Variants in DLG2 observed in about 807,000 individuals in gnomAD.
The protein encoded by DLG2 is disks large homolog 2.
In DLG2, 45 loss-of-function variants were observed where a neutral mutation model predicts 132.5. The observed-to-expected ratio is 0.34, with a 90% CI of 0.27 to 0.44. The LOEUF (loss-of-function observed/expected upper bound fraction) is 0.44, where lower values mean the gene tolerates loss of function less well. Among genes scored for constraint, DLG2 ranks in the 20% least tolerant of loss-of-function variants. The pLI, the probability that DLG2 is intolerant of heterozygous loss-of-function variation, is 1.00. For synonymous variants in DLG2, 424 were observed against 419.6 expected (o/e 1.01, Z -0.13); for missense variants, 1,045 against 1,196.9 (o/e 0.87, Z 1.87).
At chr11:84,536,737 C>T (rs1306220460) in intron 6 of DLG2, among the ~76,000 whole-genome samples, 1 of 152,204 alleles carries the variant, frequency 6.6e-6, no homozygotes, top group Admixed American at 6.5e-5. Flanking sequence ...CAGACTCCAT[C>T]CTGTCTTTTG....
At chr11:84,663,403 T>C (rs2099696795) in intron 6 of DLG2, among the ~76,000 whole-genome samples, 1 of 152,062 alleles carries the variant, frequency 6.6e-6, no homozygotes, top group Non-Finnish European at 1.5e-5. Context: ...CTCTGGTGGT[T>C]ATCTCAAACA....
chr11:84,940,352 C>G (rs561215097), intron 6 of DLG2, among the ~76,000 whole-genome samples: 1 of 152,298 alleles, frequency 6.6e-6, no homozygotes, highest in African/African-American at 2.4e-5. Context: ...AGGGTTTCAT[C>G]ATTTTGGCCA....
At chr11:84,014,266 C>G (rs1405523699) in intron 11 of DLG2, among the ~76,000 whole-genome samples, 1 of 151,952 alleles carries the variant, frequency 6.6e-6, no homozygotes, top group African/African-American at 2.4e-5. Context: ...TGTGAAACAC[C>G]AAATGTTTAA....
At chr11:84,447,829 A>G (rs2099039947) in intron 7 of DLG2, among the ~76,000 whole-genome samples, 1 of 152,110 alleles carries the variant, frequency 6.6e-6, no homozygotes, top group Non-Finnish European at 1.5e-5. Context: ...TCAAAATTAA[A>G]TTTTCTTACA....
intron 23 of DLG2, among the ~76,000 whole-genome samples, chr11:83,472,270 T>C (rs1296518118): frequency 6.6e-6 from 1 of 152,160 alleles, no homozygotes; most frequent in Non-Finnish European, 1.5e-5. Flanking sequence ...TTGAATTCTC[T>C]CTGCAGTATC....
Position 84,126,920 on chromosome 11 carries a change from T to C in DLG2, c.625-27873A>G, listed in dbSNP as rs73515748. 2.1e-3 allele frequency among the ~76,000 whole-genome samples: 316 copies of C among 152,308 alleles called. 1 individual carries two copies. Among genetic ancestry groups the C allele is most frequent in the African/African-American group, 7.1e-3 (294 of 41,572 alleles). Reference sequence around the variant, plus strand: ...ACATGATGGGACTTCCATAAACATATATTAATGAATAAGTGAATGTCAGTG... The same window carrying C: ...ACATGATGGGACTTCCATAAACATACATTAATGAATAAGTGAATGTCAGTG... On this transcript the variant is annotated intron_variant, in intron 9 of 27. Transcript: ENST00000376104.
At chr11:84,486,038 T>C (rs2099149905) in intron 7 of DLG2, among the ~76,000 whole-genome samples, 1 of 152,116 alleles carries the variant, frequency 6.6e-6, no homozygotes, top group Admixed American at 6.6e-5. Context: ...TGTGCTTCGA[T>C]CTGGGAGAGA....
chr11:84,496,746 T>C (rs1227801033), intron 7 of DLG2, among the ~76,000 whole-genome samples: 2 of 152,176 alleles, frequency 1.3e-5, no homozygotes, highest in Non-Finnish European at 2.9e-5. Context: ...ATTTATGTTA[T>C]CTTATTTTGT....
intron 6 of DLG2, among the ~76,000 whole-genome samples, chr11:85,044,718 T>C (rs1459752280): frequency 6.6e-6 from 1 of 152,060 alleles, no homozygotes; most frequent in Admixed American, 6.6e-5. Context: ...ACGTAATCTG[T>C]GTAACCCATC....
intron 4 of DLG2, among the ~76,000 whole-genome samples, chr11:85,200,426 G>T (rs745598922): frequency 3.9e-5 from 6 of 152,126 alleles, no homozygotes; most frequent in Admixed American, 1.3e-4. Context: ...GAAGAATCCA[G>T]AAAGAGATTT....
Position 84,807,948 on chromosome 11 carries a change from C to T in DLG2, c.358-273217G>A, listed in dbSNP as rs1022711542. Among the ~76,000 whole-genome samples the T allele has an allele frequency of 5.9e-5, 9 of 152,138 alleles. No individual in the cohort carries two copies. In the Middle Eastern group the frequency reaches 0.01, roughly 172 times the overall value. ...TTGACAATTCACAAAATACCTACGCCAAAAATCAGAATGCATATAGAATAA... is the reference window on the plus strand; with the variant it reads ...TTGACAATTCACAAAATACCTACGCTAAAAATCAGAATGCATATAGAATAA... On this transcript the variant is annotated intron_variant, in intron 6 of 27. Coordinates refer to ENST00000376104, the MANE Select transcript of DLG2 (RefSeq NM_001142699.3).
chr11:83,780,852 C>T (rs183564452), intron 18 of DLG2, among the ~76,000 whole-genome samples: 55 of 152,318 alleles, frequency 3.6e-4, no homozygotes, highest in Admixed American at 3.3e-3. Flanking sequence ...GATGCAGCCT[C>T]ATGTGACTTT....
intron 8 of DLG2, among the ~76,000 whole-genome samples, chr11:84,217,369 G>T (rs2096850121): frequency 1.3e-5 from 2 of 152,180 alleles, no homozygotes. Flanking sequence ...AGTCTTATTA[G>T]ATCTGATGGC....
At chr11:84,928,382 A>T (rs2047653031) in intron 6 of DLG2, among the ~76,000 whole-genome samples, 1 of 151,946 alleles carries the variant, frequency 6.6e-6, no homozygotes, top group South Asian at 2.1e-4. Flanking sequence ...TTCCTCTGTA[A>T]AATAAAGGTA....
At chr11:85,557,048 G>A (rs909674873) in intron 3 of DLG2, among the ~76,000 whole-genome samples, 2 of 151,750 alleles carry the variant, frequency 1.3e-5, no homozygotes, top group Non-Finnish European at 2.9e-5. Flanking sequence ...AAACTCTAAA[G>A]ATTCTACCAA....
chr11:83,466,120 C>T (rs1347358484), intron 26 of DLG2, among the ~76,000 whole-genome samples: 1 of 152,058 alleles, frequency 6.6e-6, no homozygotes, highest in African/African-American at 2.4e-5. Context: ...TACTGCCACG[C>T]CACTAAGAAA....
intron 6 of DLG2, among the ~76,000 whole-genome samples, chr11:84,990,322 A>T (rs1248615824): frequency 1.3e-5 from 2 of 152,220 alleles, no homozygotes; most frequent in Non-Finnish European, 2.9e-5. Context: ...GCAATGCATT[A>T]AGAGGTAGGG....
At chr11:83,459,999 T>C (rs1024744150) in intron 27 of DLG2, 75 bp from the exon 28 acceptor site, 1 of 785,294 alleles carries the variant, frequency 1.3e-6, no homozygotes, top group African/African-American at 1.7e-5. Flanking sequence ...ACTTACACAT[T>C]GGAGGCTCAA....
intron 11 of DLG2, among the ~76,000 whole-genome samples, chr11:84,030,780 T>C (rs1026736103): frequency 6.6e-6 from 1 of 152,076 alleles, no homozygotes; most frequent in Non-Finnish European, 1.5e-5. Context: ...GGAGCTGCAT[T>C]GGAGAGGAGC....
Sources: gnomAD v4.1 joint callset for allele counts (sites outside exome capture counted in the v4.1 genomes callset) on GRCh38, gnomAD v4.1.1 for gene constraint, MANE v1.5 for transcripts, NCBI Gene and HGNC (gene_info 2026-07-23, HGNC 2026-07-21) for gene names.